The following ZNF605 variants were observed in gnomAD, a reference collection of about 807,000 sequenced individuals.
ZNF605 encodes zinc finger protein 605.
Under a neutral mutation model 7.9 loss-of-function variants are expected in ZNF605, and 9 were observed. The observed-to-expected ratio is 1.14, with a 90% CI of 0.68 to 1.98. ZNF605 has a LOEUF of 1.98. ZNF605 is among the 30% of genes most tolerant of loss of function. ZNF605 has a pLI of 0.00. For missense variants in ZNF605, 673 were observed against 762.4 expected (o/e 0.88, Z 1.38); for synonymous variants, 255 against 260.1 (o/e 0.98, Z 0.19).
intron 1 of ZNF605, among the ~76,000 whole-genome samples, chr12:132,951,575 A>ACACACAGACATG (rs146017772): frequency 0.16 from 24,602 of 151,156 alleles, 2,271 homozygotes; most frequent in South Asian, 0.25. Flanking sequence ...CGTATACCAT[A>ACACACAGACATG]CACACAGACA....
intron 1 of ZNF605, among the ~76,000 whole-genome samples, chr12:132,951,409 ACACT>A (rs1421583463): frequency 1.1e-4 from 16 of 151,630 alleles, no homozygotes; most frequent in African/African-American, 2.2e-4. Context: ...TACATCACAC[ACACT>A]CACAGACACG....
Position 132,925,555 on chromosome 12 carries a change from T to C in ZNF605, c.1744A>G (p.Ile582Val), listed in dbSNP as rs546603001. ...EKAQLIIHQR[I>V]HTGERPYKCG... is the part of the protein sequence containing the mutation. ...TTATATGGTCTCTCTCCTGTATGAA[T>C]TCTCTGATGTATAATCAGCTGTGCC... is the stretch of plus-strand genomic sequence containing the variant. The change falls in exon 5 of 5, where the codon ATT becomes GTT. Residue 582 changes from isoleucine (I) to valine (V), a missense_variant. Transcript: ENST00000360187. The C allele has an allele frequency of 1.3e-4, 207 of 1,614,212 alleles. 5 individuals carry two copies. In the East Asian group the frequency reaches 2.5e-3, roughly 19 times the overall value.
intron 3 of ZNF605, among the ~76,000 whole-genome samples, chr12:132,943,307 A>C (rs1291775): frequency 1.3e-5 from 2 of 151,536 alleles, no homozygotes; most frequent in Non-Finnish European, 2.9e-5. Context: ...TGCAGTGAGC[A>C]GAGATTGTGC....
chr12:132,926,587 A>G lies in ZNF605; in HGVS notation c.712T>C (p.Ser238Pro). 1.2e-6 allele frequency: 2 copies of G among 1,614,154 alleles called. No individual in the cohort carries two copies. Among genetic ancestry groups the G allele is most frequent in the Admixed American group, 3.3e-5 (2 of 60,016 alleles). Reference protein sequence around the residue: ...SECQKAFSRKSLLILHQRIHT... With the variant: ...SECQKAFSRKPLLILHQRIHT... ...ATTCTCTGATGTAAAATGAGGAGTG[A>G]CTTCCTACTAAAAGCTTTCTGACAT... Residue 238 changes from serine to proline, a missense_variant, in exon 5 of 5, where the codon TCA (serine) becomes CCA (proline). By Grantham distance (74) the Ser-to-Pro change is moderately conservative. Coordinates refer to ENST00000360187, the MANE Select transcript of ZNF605 (RefSeq NM_183238.4).
At chr12:132,942,383 G>A (rs1952451992) in intron 3 of ZNF605, among the ~76,000 whole-genome samples, 2 of 152,224 alleles carry the variant, frequency 1.3e-5, no homozygotes, top group Non-Finnish European at 2.9e-5. Flanking sequence ...ACGAGGAGAG[G>A]CAGAGGACTG....
intron 1 of ZNF605, among the ~76,000 whole-genome samples, chr12:132,953,980 CCTT>C (rs1472442916): frequency 3.9e-5 from 6 of 152,176 alleles, no homozygotes; most frequent in Admixed American, 3.3e-4. Context: ...CAAACAAGCT[CCTT>C]CTCACCTGGT....
intron 3 of ZNF605, among the ~76,000 whole-genome samples, chr12:132,938,068 C>T (rs1287447072): frequency 1.3e-5 from 2 of 152,208 alleles, no homozygotes; most frequent in Non-Finnish European, 2.9e-5. Context: ...GCAAGCCCCG[C>T]CTCCTGGGTT....
intron 3 of ZNF605, among the ~76,000 whole-genome samples, chr12:132,939,140 C>T (rs1384358711): frequency 6.6e-5 from 10 of 152,074 alleles, no homozygotes; most frequent in Admixed American, 2.0e-4. Context: ...GGAATGCGAG[C>T]GCACAGCGCA....
At chr12:132,940,878 T>C (rs1157732239) in intron 3 of ZNF605, among the ~76,000 whole-genome samples, 1 of 152,060 alleles carries the variant, frequency 6.6e-6, no homozygotes, top group Non-Finnish European at 1.5e-5. Flanking sequence ...CCAACAGGCT[T>C]CCCTCTTCCC....
intron 1 of ZNF605, among the ~76,000 whole-genome samples, chr12:132,953,483 G>C (rs1952594746): frequency 6.6e-6 from 1 of 152,176 alleles, no homozygotes; most frequent in South Asian, 2.1e-4. Context: ...CTGGAGTGCA[G>C]TGGCAAAATC....
intron 3 of ZNF605, among the ~76,000 whole-genome samples, chr12:132,943,085 G>A (rs1336215396): frequency 6.6e-6 from 1 of 152,040 alleles, no homozygotes; most frequent in South Asian, 2.1e-4. Flanking sequence ...TAGTGCGGCC[G>A]GGCACGGTGG....
chr12:132,927,376 T>C (rs995816038), intron 4 of ZNF605, among the ~76,000 whole-genome samples: 1 of 152,162 alleles, frequency 6.6e-6, no homozygotes, highest in East Asian at 1.9e-4. Flanking sequence ...TGTTTATATA[T>C]ATTTTTTTGA....
At position 132,941,592 on chromosome 12, in the gene ZNF605, C is replaced by T. The variant is rs1952441820; in HGVS notation, c.15+4029G>A. 6.6e-6 allele frequency among the ~76,000 whole-genome samples: 1 copy of T among 152,230 alleles called. No individual in the cohort carries two copies. The highest frequency in any genetic ancestry group is 1.5e-5 in the Non-Finnish European group (1 of 68,044). ...GAGGAACCGTATCGCTCACGAGCAA[C>T]AGGGTAACTGACTGTTGTAACGGAC... On this transcript the variant is annotated intron_variant, in intron 3 of 4. Coordinates refer to ENST00000360187, the MANE Select transcript of ZNF605 (RefSeq NM_183238.4). The surrounding 1 kb of genome is among the most constrained non-coding windows in gnomAD (Gnocchi z 5.1).
In ZNF605 at chr12:132,922,286, C is replaced by G. The variant is rs1260646440; in HGVS notation, c.*3087G>C. ...ACAATGCTTTTTGAAGGTTGTTTGG[C>G]TAACCCAGAGGTAGTAAAAGACTTC... On this transcript the variant is annotated 3_prime_UTR_variant, in exon 5 of 5. Transcript: ENST00000360187. The G allele has an allele frequency of 1.3e-5, 2 of 152,166 alleles. No homozygotes were observed. The highest frequency in any genetic ancestry group is 2.9e-5 in the Non-Finnish European group (2 of 68,028). The allele number at this position is 152,166 out of a possible 1,614,324, so 9.4% of individuals were successfully genotyped here.
chr12:132,926,276 C>T lies in ZNF605; in HGVS notation c.1023G>A (p.Glu341=). The change falls in exon 5 of 5, where the codon GAG becomes GAA. Residue 341 remains glutamate, a synonymous_variant. Transcript: ENST00000360187. ...AGTTCCTGCTGAAGGCTTTTTGACACTCACCACATCCGTAAGGTTTCTTCC... is the reference window on the plus strand; with the variant it reads ...AGTTCCTGCTGAAGGCTTTTTGACATTCACCACATCCGTAAGGTTTCTTCC... ...HTGKKPYGCG[E]CQKAFSRNSL... 1.2e-6 allele frequency: 2 copies of T among 1,613,864 alleles called. No individual in the cohort carries two copies. The highest frequency in any genetic ancestry group is 1.7e-5 in the Admixed American group (1 of 60,004).
chr12:132,936,644 A>C (rs1250158364), intron 3 of ZNF605, among the ~76,000 whole-genome samples: 1 of 152,226 alleles, frequency 6.6e-6, no homozygotes, highest in Non-Finnish European at 1.5e-5. Flanking sequence ...TTTGTGACAA[A>C]TAATGTCTCA....
At chr12:132,954,375 GGGGC>G (rs1952609763) in intron 1 of ZNF605, among the ~76,000 whole-genome samples, 2 of 105,852 alleles carry the variant, frequency 1.9e-5, no homozygotes, top group African/African-American at 3.8e-5. Flanking sequence ...CGGGGGAGAA[GGGGC>G]TTCAGTCACT....
At chr12:132,953,760 A>G (rs1294534517) in intron 1 of ZNF605, among the ~76,000 whole-genome samples, 1 of 151,912 alleles carries the variant, frequency 6.6e-6, no homozygotes, top group African/African-American at 2.4e-5. Context: ...TTCACCGCAA[A>G]TGGCAAACAA....
chr12:132,945,288 C>A, intron 3 of ZNF605: 1 of 846,722 alleles, frequency 1.2e-6, no homozygotes. Flanking sequence ...TTTCTATAAT[C>A]TACTTTGTGC....
Sources: allele counts gnomAD v4.1 joint callset (sites outside exome capture counted in the v4.1 genomes callset), GRCh38; gene constraint gnomAD v4.1.1; non-coding constraint Gnocchi (gnomAD v3.1); transcripts MANE v1.5; gene names NCBI Gene and HGNC (gene_info 2026-07-23, HGNC 2026-07-21).